The following LARGE1 variants were observed in gnomAD, a reference collection of about 807,000 sequenced individuals.
LARGE1 encodes LARGE xylosyl- and glucuronyltransferase 1, also known as xylosyl- and glucuronyltransferase LARGE1.
LARGE1 carries 43 observed loss-of-function variants against 87.6 expected under a neutral mutation model. The ratio of observed to expected loss-of-function variants is 0.49; its 90% confidence interval spans 0.38 to 0.63. The LOEUF is 0.63. Among genes scored for constraint, LARGE1 ranks in the 30% least tolerant of loss-of-function variants. The pLI is 0.00. For synonymous variants in LARGE1, 434 were observed against 394.6 expected (o/e 1.10, Z -1.18); for missense variants, 802 against 1,000.2 (o/e 0.80, Z 2.67).
rs762836 is a variant in LARGE1 at position 33,837,579 on chromosome 22, T to G, written c.-82-76021A>C. Among the ~76,000 whole-genome samples the G allele has an allele frequency of 4.5e-4, 68 of 152,118 alleles. 1 individual carries two copies. Among genetic ancestry groups the G allele is most frequent in the South Asian group, 3.9e-3 (19 of 4,818 alleles). ...GCCTAAGTGAAAAGCATTTGTAAACTGTGAAAACCCTTGTGAGAGTCAGCT... is the reference window on the plus strand; with the variant it reads ...GCCTAAGTGAAAAGCATTTGTAAACGGTGAAAACCCTTGTGAGAGTCAGCT... On this transcript the variant is annotated intron_variant, in intron 1 of 14. Transcript: ENST00000397394.
rs200100034 is a variant in LARGE1, at chr22:33,164,500, T to A, written c.*2263A>T. On this transcript the variant is annotated 3_prime_UTR_variant, in exon 12 of 12. Coordinates refer to the LARGE1 transcript ENST00000608642. ...CAGTAATAATCAACGTAAGATTTTG[T>A]TTTTTTTTTTTATTTTTATGTATAT... 1.6e-4 allele frequency: 3 copies of A among 18,704 alleles called. No homozygotes were observed. The East Asian group carries it at 2.9e-3, about 18-fold the overall frequency. 1.2% of individuals were successfully genotyped at this position (18,704 alleles called of 1,614,324 possible).
intron 1 of LARGE1, among the ~76,000 whole-genome samples, chr22:33,895,632 TC>T (rs1487184720): frequency 6.6e-6 from 1 of 152,178 alleles, no homozygotes; most frequent in Non-Finnish European, 1.5e-5. Context: ...CACCCTCTGC[TC>T]CTCAAAGCCA....
intron 1 of LARGE1, among the ~76,000 whole-genome samples, chr22:33,852,113 G>A (rs967613783): frequency 6.6e-6 from 1 of 152,222 alleles, no homozygotes; most frequent in Non-Finnish European, 1.5e-5. Flanking sequence ...GATAGCAGCA[G>A]AAGGAACTAT....
At chr22:33,679,468 GCACACA>G (rs113355241) in intron 2 of LARGE1, among the ~76,000 whole-genome samples, 1 of 147,520 alleles carries the variant, frequency 6.8e-6, no homozygotes, top group East Asian at 2.0e-4. Context: ...ACACACACAC[GCACACA>G]CACACACACA....
chr22:33,190,297 G>A (rs1036612408), intron 11 of LARGE1, among the ~76,000 whole-genome samples: 1 of 152,126 alleles, frequency 6.6e-6, no homozygotes, highest in Non-Finnish European at 1.5e-5. Flanking sequence ...TACATAAAAA[G>A]AACAGAGTTT....
At chr22:33,308,544 A>G (rs987817205) in intron 11 of LARGE1, among the ~76,000 whole-genome samples, 1 of 152,146 alleles carries the variant, frequency 6.6e-6, no homozygotes, top group African/African-American at 2.4e-5. Flanking sequence ...CTCTGGAAAT[A>G]ATCTCCCACA....
intron 11 of LARGE1, among the ~76,000 whole-genome samples, chr22:33,312,860 G>A (rs972363564): frequency 6.6e-6 from 1 of 152,194 alleles, no homozygotes; most frequent in African/African-American, 2.4e-5. Context: ...ATGCCATGGA[G>A]GAGAAGGAAA....
chr22:33,290,020 G>A (rs1172339790), intron 12 of LARGE1, among the ~76,000 whole-genome samples: 17 of 152,114 alleles, frequency 1.1e-4, no homozygotes, highest in Non-Finnish European at 5.9e-5. Flanking sequence ...AGGCTTGCCC[G>A]GGTTCTGCAT....
intron 1 of LARGE1, among the ~76,000 whole-genome samples, chr22:33,905,008 T>G (rs2065399477): frequency 6.6e-6 from 1 of 151,480 alleles, no homozygotes; most frequent in Non-Finnish European, 1.5e-5. Context: ...ACTCCAAACT[T>G]CAGTATCTGA....
chr22:33,332,347 T>TA (rs1331176057), intron 10 of LARGE1, among the ~76,000 whole-genome samples: 2 of 152,198 alleles, frequency 1.3e-5, no homozygotes, highest in African/African-American at 4.8e-5. Flanking sequence ...TGCCACTGTG[T>TA]AAGACGTCCC....
At chr22:33,340,736 G>T (rs1484752353) in intron 9 of LARGE1, among the ~76,000 whole-genome samples, 1 of 151,780 alleles carries the variant, frequency 6.6e-6, no homozygotes, top group East Asian at 1.9e-4. Context: ...ACATTCATTG[G>T]CTTCTTTTAG....
At chr22:33,414,059 G>A (rs2066403183) in intron 7 of LARGE1, among the ~76,000 whole-genome samples, 1 of 152,168 alleles carries the variant, frequency 6.6e-6, no homozygotes, top group African/African-American at 2.4e-5. Flanking sequence ...ATATACCCAG[G>A]AGTGGGATTG....
intron 13 of LARGE1, among the ~76,000 whole-genome samples, chr22:33,278,215 C>T (rs566651999): frequency 6.6e-6 from 1 of 152,244 alleles, no homozygotes; most frequent in South Asian, 2.1e-4. Flanking sequence ...GGAGAGCAGT[C>T]CCTGGCCAAA....
intron 2 of LARGE1, among the ~76,000 whole-genome samples, chr22:33,739,250 C>T (rs568174051): frequency 9.2e-4 from 140 of 152,218 alleles, no homozygotes; most frequent in Non-Finnish European, 1.6e-3. Context: ...CAGGACCAGC[C>T]TGGGATGCCT....
At chr22:33,373,700 T>A (rs1449606333) in intron 9 of LARGE1, among the ~76,000 whole-genome samples, 1 of 152,006 alleles carries the variant, frequency 6.6e-6, no homozygotes, top group Non-Finnish European at 1.5e-5. Context: ...TTATCTTGGG[T>A]ACGGTGGCTT....
At chr22:33,860,448 T>C (rs926896698) in intron 1 of LARGE1, among the ~76,000 whole-genome samples, 8 of 152,176 alleles carry the variant, frequency 5.3e-5, no homozygotes. Context: ...GTTTTCGGAA[T>C]AAGAAATAAA....
chr22:33,278,650 G>A (rs543279770), intron 13 of LARGE1, among the ~76,000 whole-genome samples: 130 of 152,096 alleles, frequency 8.5e-4, no homozygotes, highest in Non-Finnish European at 1.5e-3. Context: ...GTCAGTGGTG[G>A]AGTTGTGATT....
intron 6 of LARGE1, among the ~76,000 whole-genome samples, chr22:33,433,947 G>C (rs2147744865): frequency 6.6e-6 from 1 of 152,214 alleles, no homozygotes; most frequent in East Asian, 1.9e-4. Context: ...ATCACCCCGG[G>C]CACAAATACA....
intron 2 of LARGE1, among the ~76,000 whole-genome samples, chr22:33,730,876 G>A (rs988604566): frequency 6.6e-6 from 1 of 151,848 alleles, no homozygotes; most frequent in Non-Finnish European, 1.5e-5. Flanking sequence ...TCTGTATTTA[G>A]TAGAGACAGG....
Sources: gnomAD v4.1 joint callset for allele counts (sites outside exome capture counted in the v4.1 genomes callset) on GRCh38, gnomAD v4.1.1 for gene constraint, MANE v1.5 for transcripts, NCBI Gene and HGNC (gene_info 2026-07-23, HGNC 2026-07-21) for gene names.